The following INPP5D variants were observed in gnomAD, a reference collection of about 807,000 sequenced individuals.
INPP5D encodes the protein phosphatidylinositol 3,4,5-trisphosphate 5-phosphatase 1.
INPP5D carries 33 observed loss-of-function variants against 122.9 expected under a neutral mutation model. The observed-to-expected ratio is 0.27, with a 90% CI of 0.20 to 0.36. INPP5D has a LOEUF of 0.36. INPP5D is among the 10% of genes least tolerant of loss of function. INPP5D has a pLI of 1.00. For synonymous variants in INPP5D, 584 were observed against 576.2 expected, an observed-to-expected ratio of 1.01 and a Z score of -0.19; for missense variants, 1,053 against 1,412.7, an observed-to-expected ratio of 0.75 and a Z score of 4.08.
chr2:233,203,092 T>C (rs1479759740), intron 25 of INPP5D, among the ~76,000 whole-genome samples: 1 of 152,242 alleles, frequency 6.6e-6, no homozygotes, highest in Non-Finnish European at 1.5e-5. Flanking sequence ...TCCTTGTTTG[T>C]GGCTGTGTTG....
chr2:233,106,517 A>G (rs1187889300), intron 2 of INPP5D, among the ~76,000 whole-genome samples: 1 of 152,254 alleles, frequency 6.6e-6, no homozygotes, highest in African/African-American at 2.4e-5. Context: ...AGTGGGGCAG[A>G]GACACAGATT....
chr2:233,187,572 T>C (rs575836532), intron 21 of INPP5D, among the ~76,000 whole-genome samples: 2 of 152,300 alleles, frequency 1.3e-5, no homozygotes, highest in South Asian at 4.1e-4. Flanking sequence ...TCTCAGGCCA[T>C]GTAAAAAGGC....
chr2:233,174,747 G>T (rs1359248293), intron 17 of INPP5D, among the ~76,000 whole-genome samples: 1 of 144,684 alleles, frequency 6.9e-6, no homozygotes, highest in Non-Finnish European at 1.5e-5. Context: ...AGCTGAGATT[G>T]CCCCACTGCA....
intron 5 of INPP5D, 145 bp downstream of exon 5, chr2:233,130,793 ATC>A (rs942776614): frequency 1.1e-6 from 1 of 883,964 alleles, no homozygotes; most frequent in African/African-American, 1.6e-5. Context: ...CAGCTTGGAA[ATC>A]TCTGTGGTTG....
At position 233,075,488 on chromosome 2, in the gene INPP5D, A is replaced by G. The variant is rs368400789; in HGVS notation, c.135-3847A>G. Reference sequence around the variant, plus strand: ...TAGTTGTAGAATCTTTGCTTTAAACATTTTGCATGCAAGATATTGTGTGTG... The same window carrying G: ...TAGTTGTAGAATCTTTGCTTTAAACGTTTTGCATGCAAGATATTGTGTGTG... On this transcript the variant is annotated intron_variant, in intron 1 of 26. Coordinates refer to ENST00000445964, the MANE Select transcript of INPP5D (RefSeq NM_001017915.3). Among the ~76,000 whole-genome samples the G allele has an allele frequency of 8.8e-5, 13 of 147,700 alleles. No homozygotes were observed. In the East Asian group the frequency reaches 1.4e-3, roughly 15 times the overall value.
intron 3 of INPP5D, 138 bp downstream of exon 3, chr2:233,122,395 C>T (rs944435504): frequency 1.1e-6 from 1 of 888,722 alleles, no homozygotes; most frequent in Non-Finnish European, 1.7e-6. Flanking sequence ...GTTAGGAACA[C>T]AGGCTCTCTG....
chr2:233,162,013 G>C (rs551900778), intron 11 of INPP5D, among the ~76,000 whole-genome samples, 187 bp downstream of exon 11: 3 of 152,256 alleles, frequency 2.0e-5, no homozygotes, highest in South Asian at 2.1e-4. Context: ...TTCCTGAGAT[G>C]ATGGGTAAGA....
chr2:233,091,840 C>T (rs761222749), intron 2 of INPP5D, among the ~76,000 whole-genome samples: 29 of 152,304 alleles, frequency 1.9e-4, no homozygotes, highest in Non-Finnish European at 3.1e-4. Flanking sequence ...GTCTCCACCA[C>T]GAGGATGTAA....
At chr2:233,107,519 G>A (rs1266738728) in intron 2 of INPP5D, among the ~76,000 whole-genome samples, 8 of 152,222 alleles carry the variant, frequency 5.3e-5, no homozygotes, top group Admixed American at 1.3e-4. Context: ...TTAGAAGGGA[G>A]TGCAGAGACT....
At position 233,160,074 on chromosome 2, in the gene INPP5D, T is replaced by G. The variant is rs1694163056; in HGVS notation, c.1138-1650T>G. On this transcript the variant is annotated intron_variant, in intron 10 of 26. Coordinates refer to ENST00000445964, the MANE Select transcript of INPP5D (RefSeq NM_001017915.3). This position sits in a 1 kb window ranked among gnomAD's most constrained non-coding sequence, Gnocchi z 4.2. ...CCCATTGCTGCGACCTCAAAAGGAC[T>G]GAGGCACAGGGATAAATGGAGGCCA... is the stretch of plus-strand genomic sequence containing the variant. Among the ~76,000 whole-genome samples the G allele has an allele frequency of 6.6e-6, 1 of 152,194 alleles. No homozygotes were observed. The highest frequency in any genetic ancestry group is 1.5e-5 in the Non-Finnish European group (1 of 68,032).
chr2:233,144,526 GGTGAGGGTGGAGGTGGTGGTGGTGA>G (rs1693702405), intron 6 of INPP5D, among the ~76,000 whole-genome samples: 1 of 116,060 alleles, frequency 8.6e-6, no homozygotes, highest in Admixed American at 8.6e-5. Context: ...TGATGGTGAT[GGTGAGGGTGGAGGTGGTGGTGGTGA>G]TGGTGAGGGT....
intron 17 of INPP5D, among the ~76,000 whole-genome samples, chr2:233,173,319 G>A (rs537259412): frequency 6.6e-6 from 1 of 152,208 alleles, no homozygotes; most frequent in East Asian, 1.9e-4. Context: ...AGTGGTGAAT[G>A]AGTGCGAAGG....
rs58583434 is a variant in INPP5D at position 233,199,535 on chromosome 2, CAA to C, written c.2975+1169_2975+1170del. ...TGGGTGACAGAGTGAGACTCCGTCT[CAA>C]AAAAAAAAATGGCCAGGTGCGGTGG... On this transcript the variant is annotated intron_variant, in intron 25 of 26. Transcript: ENST00000445964. 7.4e-3 allele frequency among the ~76,000 whole-genome samples: 1,092 copies of C among 147,742 alleles called. 21 individuals carry two copies. The highest frequency in any genetic ancestry group is 0.061 in the East Asian group (307 of 5,032).
In INPP5D at chr2:233,188,001, G is replaced by A. The variant is rs999649517; in HGVS notation, c.2359-1849G>A. Among the ~76,000 whole-genome samples, 9 of 152,004 alleles carry A rather than the reference G, an allele frequency of 5.9e-5. No homozygotes were observed. Among genetic ancestry groups the A allele is most frequent in the African/African-American group, 2.2e-4 (9 of 41,376 alleles). On this transcript the variant is annotated intron_variant, in intron 21 of 26. Coordinates refer to ENST00000445964, the MANE Select transcript of INPP5D (RefSeq NM_001017915.3). The surrounding 1 kb of genome is among the most constrained non-coding windows in gnomAD (Gnocchi z 4.7). ...ATCCTCACAGCCGCCAAGTCCTGCT[G>A]TTCCTCTTGCCTCTGTCCCCTCCCT...
rs1051871129 is a variant in INPP5D at position 233,197,402 on chromosome 2, G to A, written c.2694-693G>A. Among the ~76,000 whole-genome samples the A allele has an allele frequency of 6.6e-6, 1 of 152,130 alleles. No individual in the cohort carries two copies. The highest frequency in any genetic ancestry group is 1.5e-5 in the Non-Finnish European group (1 of 68,018). ...CGCTGCACACACAAATGTGTGAGCT[G>A]ATGTGTTCCAGAGGAACCCCTGCTG... is the stretch of plus-strand genomic sequence containing the variant. On this transcript the variant is annotated intron_variant, in intron 24 of 26. Transcript: ENST00000445964. The surrounding 1 kb of genome is among the most constrained non-coding windows in gnomAD (Gnocchi z 4.4).
chr2:233,060,650 A>G, intron 1 of INPP5D, 38 bp downstream of exon 1: 1 of 1,610,468 alleles, frequency 6.2e-7, no homozygotes, highest in Non-Finnish European at 8.5e-7. Context: ...CACAGATATG[A>G]CAGAGGGGCT....
intron 9 of INPP5D, among the ~76,000 whole-genome samples, chr2:233,152,367 G>A: frequency 6.6e-6 from 1 of 152,186 alleles, no homozygotes; most frequent in East Asian, 1.9e-4. Flanking sequence ...ACAGCCAGTT[G>A]CTGTATGTTC....
At chr2:233,148,433 C>G (rs1209240223) in intron 9 of INPP5D, among the ~76,000 whole-genome samples, 1 of 152,166 alleles carries the variant, frequency 6.6e-6, no homozygotes, top group Admixed American at 6.5e-5. Flanking sequence ...GGCGGAGACC[C>G]CGAGGCTGAG....
At chr2:233,165,640 G>C (rs1224822410) in intron 13 of INPP5D, among the ~76,000 whole-genome samples, 1 of 151,808 alleles carries the variant, frequency 6.6e-6, no homozygotes, top group Non-Finnish European at 1.5e-5. Flanking sequence ...ATCTATGAGT[G>C]TGTGAGAGTC....
Sources: allele counts gnomAD v4.1 joint callset (sites outside exome capture counted in the v4.1 genomes callset), GRCh38; gene constraint gnomAD v4.1.1; non-coding constraint Gnocchi (gnomAD v3.1); transcripts MANE v1.5; gene names NCBI Gene and HGNC (gene_info 2026-07-23, HGNC 2026-07-21).